Variants in BCAS3 observed in about 807,000 individuals in gnomAD.
The protein encoded by BCAS3 is BCAS4/BCAS3 fusion.
In BCAS3, 53 loss-of-function variants were observed where a neutral mutation model predicts 116.1. The ratio of observed to expected loss-of-function variants is 0.46; its 90% CI spans 0.37 to 0.57. The LOEUF is 0.57. Among genes scored for constraint, BCAS3 ranks in the 20% least tolerant of loss-of-function variants. The pLI, the probability that BCAS3 is intolerant of heterozygous loss-of-function variation, is 0.00. For missense variants in BCAS3, 917 were observed against 1,165.4 expected, an observed-to-expected ratio of 0.79 and a Z score of 3.10; for synonymous variants, 391 against 408.2, an observed-to-expected ratio of 0.96 and a Z score of 0.51.
chr17:60,872,024 G>A (rs2055151290), intron 8 of BCAS3, among the ~76,000 whole-genome samples: 1 of 151,876 alleles, frequency 6.6e-6, no homozygotes, highest in South Asian at 2.1e-4. Flanking sequence ...TTTGTTAATA[G>A]TGATATTCTT....
At chr17:61,119,439 T>C (rs1454408928) in intron 22 of BCAS3, among the ~76,000 whole-genome samples, 1 of 152,138 alleles carries the variant, frequency 6.6e-6, no homozygotes, top group East Asian at 1.9e-4. Flanking sequence ...AACATGATAG[T>C]GTCATTAGAT....
intron 22 of BCAS3, among the ~76,000 whole-genome samples, chr17:61,201,960 A>G (rs1318429173): frequency 6.6e-6 from 1 of 150,574 alleles, no homozygotes; most frequent in Non-Finnish European, 1.5e-5. Context: ...GGGTTTCACC[A>G]TGTTGATGAA....
chr17:61,146,047 C>T (rs1297779268), intron 22 of BCAS3, among the ~76,000 whole-genome samples: 1 of 151,934 alleles, frequency 6.6e-6, no homozygotes, highest in African/African-American at 2.4e-5. Flanking sequence ...GACTCATCCC[C>T]CTATGCATCA....
chr17:61,196,093 A>G lies in BCAS3; in HGVS notation c.2425+111529A>G, dbSNP rs143109662. ...AGACCACAGTCGCCTTTGCAGATCT[A>G]TCTAGACAACTTCTGAGGTTTATTC... On this transcript the variant is annotated intron_variant, in intron 22 of 23. Coordinates refer to ENST00000407086, the MANE Select transcript of BCAS3 (RefSeq NM_017679.5). This position sits in a 1 kb window ranked among gnomAD's most constrained non-coding sequence, Gnocchi z 4.7. 2.0e-5 allele frequency among the ~76,000 whole-genome samples: 3 copies of G among 152,336 alleles called. No individual in the cohort carries two copies. Among genetic ancestry groups the G allele is most frequent in the East Asian group, 1.9e-4 (1 of 5,186 alleles).
chr17:60,709,234 T>G lies in BCAS3; in HGVS notation c.230T>G (p.Leu77Arg). 1 of 1,547,672 alleles carries G rather than the reference T, an allele frequency of 6.5e-7. No homozygotes were observed. Among genetic ancestry groups the G allele is most frequent in the Non-Finnish European group, 8.9e-7 (1 of 1,124,974 alleles). The change falls in exon 5 of 24, where the codon CTG becomes CGG. Residue 77 changes from leucine to arginine, a missense_variant. Around this residue, in one of 3 missense-constraint regions of BCAS3, gnomAD observed 807 missense variants for 1,026.0 expected, o/e 0.79. Coordinates refer to ENST00000407086, the MANE Select transcript of BCAS3 (RefSeq NM_017679.5). ...TCTAATGCAGATACATCAAGAAATCTGGAATTTCATGAAATACATAGTACT... is the reference window on the plus strand; with the variant it reads ...TCTAATGCAGATACATCAAGAAATCGGGAATTTCATGAAATACATAGTACT... Reference protein sequence around the residue: ...NADLNDTSRNLEFHEIHSTGN... With the variant: ...NADLNDTSRNREFHEIHSTGN...
chr17:60,697,991 A>G (rs1218774147), intron 4 of BCAS3, among the ~76,000 whole-genome samples: 8 of 151,926 alleles, frequency 5.3e-5, no homozygotes, highest in Non-Finnish European at 1.2e-4. Context: ...CATCCTGGCT[A>G]ACACGGTAAA....
chr17:61,253,771 C>T (rs1415737928), intron 22 of BCAS3, among the ~76,000 whole-genome samples: 1 of 151,900 alleles, frequency 6.6e-6, no homozygotes, highest in Non-Finnish European at 1.5e-5. Context: ...TTTGTTTTGC[C>T]TTTCCATTTT....
rs116916619 is a variant in BCAS3 at position 61,306,049 on chromosome 17, A to G, written c.2426-62278A>G. Among the ~76,000 whole-genome samples, 1,184 of 152,336 alleles carry G rather than the reference A, an allele frequency of 7.8e-3. 5 individuals carry two copies. The highest frequency in any genetic ancestry group is 0.013 in the Non-Finnish European group (879 of 68,030). On this transcript the variant is annotated intron_variant, in intron 22 of 23. Coordinates refer to ENST00000407086, the MANE Select transcript of BCAS3 (RefSeq NM_017679.5). The stretch of plus-strand genomic sequence containing the variant: ...CAAGTCTACCTGAATGCCCTTAACC[A>G]GAGTTCTGGAACACTTCTGACTTAG...
intron 22 of BCAS3, among the ~76,000 whole-genome samples, chr17:61,230,027 A>G (rs2082578692): frequency 6.6e-6 from 1 of 152,130 alleles, no homozygotes; most frequent in Non-Finnish European, 1.5e-5. Context: ...CAGGAGGCTG[A>G]GCCAGGAGAA....
chr17:60,810,368 C>CG (rs926161057), intron 7 of BCAS3: 63 of 443,160 alleles, frequency 1.4e-4, no homozygotes, highest in Non-Finnish European at 2.3e-4. Flanking sequence ...GTGGGGATGG[C>CG]GGGGGGTCTG....
intron 6 of BCAS3, among the ~76,000 whole-genome samples, chr17:60,763,657 CT>C (rs571607388): frequency 3.3e-5 from 5 of 152,142 alleles, no homozygotes; most frequent in Non-Finnish European, 4.4e-5. Flanking sequence ...CTAAAATTCT[CT>C]TTTTTTGTTG....
rs890741980 is a variant in BCAS3, at chr17:61,344,250, A to G, written c.2426-24077A>G. ...CAAAATCATCCTTTGACATTAAAAA[A>G]AAAAAATCCCCTTGCTTTTAAAGAG... is the stretch of plus-strand genomic sequence containing the variant. On this transcript the variant is annotated intron_variant, in intron 22 of 23. Coordinates refer to ENST00000407086, the MANE Select transcript of BCAS3 (RefSeq NM_017679.5). The surrounding 1 kb of genome is among the most constrained non-coding windows in gnomAD (Gnocchi z 4.1). Among the ~76,000 whole-genome samples the G allele has an allele frequency of 6.6e-6, 1 of 152,266 alleles. No homozygotes were observed. Among genetic ancestry groups the G allele is most frequent in the South Asian group, 2.1e-4 (1 of 4,822 alleles).
intron 14 of BCAS3, among the ~76,000 whole-genome samples, chr17:60,976,466 A>G (rs1446234281): frequency 3.3e-5 from 5 of 150,880 alleles, no homozygotes; most frequent in African/African-American, 4.9e-5. Context: ...TTTATTGATC[A>G]TTCTTGGGTG....
chr17:60,853,675 C>T (rs910756908), intron 7 of BCAS3, among the ~76,000 whole-genome samples: 3 of 152,112 alleles, frequency 2.0e-5, no homozygotes, highest in African/African-American at 7.2e-5. Flanking sequence ...ATGTAAGTTC[C>T]ATGAGGCCAT....
intron 4 of BCAS3, among the ~76,000 whole-genome samples, chr17:60,695,734 C>T (rs2035509346): frequency 6.6e-6 from 1 of 151,988 alleles, no homozygotes; most frequent in Non-Finnish European, 1.5e-5. Flanking sequence ...AAGTAGCTAG[C>T]ACTATAGGCA....
intron 22 of BCAS3, among the ~76,000 whole-genome samples, chr17:61,287,364 A>G (rs1684686926): frequency 1.3e-5 from 2 of 151,976 alleles, no homozygotes; most frequent in Admixed American, 6.6e-5. Context: ...TCTTGGGGAA[A>G]ATTGTCTGCC....
intron 22 of BCAS3, among the ~76,000 whole-genome samples, chr17:61,094,976 A>C (rs2073873824): frequency 6.6e-6 from 1 of 152,272 alleles, no homozygotes; most frequent in African/African-American, 2.4e-5. Context: ...GTTGCTACAA[A>C]ATCATGCAAG....
intron 23 of BCAS3, among the ~76,000 whole-genome samples, chr17:61,370,289 G>C (rs1403262152): frequency 6.7e-6 from 1 of 148,458 alleles, no homozygotes; most frequent in Non-Finnish European, 1.5e-5. Flanking sequence ...TTTTTTAGCA[G>C]AGGGATTTCA....
At chr17:61,318,926 A>G (rs1161027317) in intron 22 of BCAS3, among the ~76,000 whole-genome samples, 2 of 152,354 alleles carry the variant, frequency 1.3e-5, no homozygotes, top group Non-Finnish European at 2.9e-5. Flanking sequence ...GGAGTGACAT[A>G]GAAGGAGCTT....
Sources: gnomAD v4.1 joint callset for allele counts (sites outside exome capture counted in the v4.1 genomes callset) on GRCh38, gnomAD v4.1.1 for gene constraint, gnomAD v4.1.1 regional missense constraint, Gnocchi (gnomAD v3.1) non-coding constraint, MANE v1.5 for transcripts, NCBI Gene and HGNC (gene_info 2026-07-23, HGNC 2026-07-21) for gene names.